Variants in PTPRG observed in about 807,000 individuals in gnomAD.
PTPRG encodes the protein protein tyrosine phosphatase receptor type G.
PTPRG carries 102 observed loss-of-function variants against 165.3 expected under a neutral mutation model. That is an observed-to-expected ratio of 0.62 (90% CI 0.53 to 0.73). The LOEUF is 0.73. Among genes scored for constraint, PTPRG ranks in the 30% least tolerant of loss-of-function variants. The probability of loss-of-function intolerance (pLI) is 0.00; values close to 1 mark genes in which losing one functional copy is unlikely to be tolerated. For synonymous variants in PTPRG, 675 were observed against 669.5 expected (o/e 1.01, Z -0.13); for missense variants, 1,866 against 1,861.4 (o/e 1.00, Z -0.05).
chr3:61,930,443 C>G (rs186801807), intron 2 of PTPRG, among the ~76,000 whole-genome samples: 1 of 152,286 alleles, frequency 6.6e-6, no homozygotes, highest in East Asian at 1.9e-4. Flanking sequence ...TGATGAGGGG[C>G]TCCCAGCACA....
chr3:62,139,282 T>C (rs1352730676), intron 6 of PTPRG, among the ~76,000 whole-genome samples: 2 of 152,024 alleles, frequency 1.3e-5, no homozygotes, highest in Non-Finnish European at 2.9e-5. Context: ...CTGGTCAACA[T>C]GTTGAAACCC....
intron 1 of PTPRG, among the ~76,000 whole-genome samples, chr3:61,662,431 A>G (rs1200093380): frequency 6.6e-6 from 1 of 152,174 alleles, no homozygotes; most frequent in East Asian, 1.9e-4. Context: ...TCCCAGATTA[A>G]ATATTCAGCT....
In PTPRG at chr3:61,728,894, A is replaced by G. The variant is rs977443097; in HGVS notation, c.86-19984A>G. The stretch of plus-strand genomic sequence containing the variant: ...TGTACCAAAAAAAAAAAAAAAAAAG[A>G]AAGAAAGAAAGAAAAAAATTAGCTG... On this transcript the variant is annotated intron_variant, in intron 1 of 29. Transcript: ENST00000474889. Among the ~76,000 whole-genome samples the G allele has an allele frequency of 1.8e-3, 274 of 149,154 alleles. 1 individual carries two copies. Among genetic ancestry groups the G allele is most frequent in the African/African-American group, 6.4e-3 (261 of 40,524 alleles).
At chr3:62,211,502 G>C (rs1226180778) in intron 12 of PTPRG, among the ~76,000 whole-genome samples, 1 of 152,116 alleles carries the variant, frequency 6.6e-6, no homozygotes. Context: ...TAAATTTTGT[G>C]TTATGTGTTT....
chr3:61,611,539 C>T (rs1024303929), intron 1 of PTPRG, among the ~76,000 whole-genome samples: 2 of 152,148 alleles, frequency 1.3e-5, no homozygotes, highest in Admixed American at 1.3e-4. Context: ...AGGAAAAGAG[C>T]GATTTTTCTT....
chr3:61,894,294 T>C, intron 2 of PTPRG, among the ~76,000 whole-genome samples: 1 of 80,000 alleles, frequency 1.3e-5, no homozygotes, highest in East Asian at 3.7e-4. Flanking sequence ...AGAGCAAGAC[T>C]CTGTGTCAAA....
chr3:61,836,099 A>C (rs1470660067), intron 2 of PTPRG, among the ~76,000 whole-genome samples: 4 of 129,770 alleles, frequency 3.1e-5, no homozygotes, highest in Non-Finnish European at 6.3e-5. Context: ...ACACACACAC[A>C]CCTGAACCCC....
chr3:61,880,378 G>A (rs1162789089), intron 2 of PTPRG, among the ~76,000 whole-genome samples: 1 of 152,198 alleles, frequency 6.6e-6, no homozygotes, highest in Middle Eastern at 3.4e-3. Context: ...CCAGAACTTC[G>A]GGAGACCAAG....
intron 4 of PTPRG, among the ~76,000 whole-genome samples, chr3:62,075,009 A>T (rs1701337493): frequency 6.6e-6 from 1 of 152,214 alleles, no homozygotes; most frequent in African/African-American, 2.4e-5. Context: ...ATATTACCGT[A>T]ATTTGTTAGG....
intron 1 of PTPRG, among the ~76,000 whole-genome samples, chr3:61,578,086 A>G (rs1700205651): frequency 6.6e-6 from 1 of 152,330 alleles, no homozygotes; most frequent in Non-Finnish European, 1.5e-5. Flanking sequence ...TTACCAGCTC[A>G]TGAGTAGACA....
At chr3:62,162,827 TAG>T (rs1453585422) in intron 7 of PTPRG, among the ~76,000 whole-genome samples, 1 of 152,182 alleles carries the variant, frequency 6.6e-6, no homozygotes, top group Non-Finnish European at 1.5e-5. Context: ...GCATACAAAA[TAG>T]AGTCACACAG....
At chr3:62,009,467 G>A (rs1360384015) in intron 4 of PTPRG, among the ~76,000 whole-genome samples, 1 of 152,168 alleles carries the variant, frequency 6.6e-6, no homozygotes, top group Non-Finnish European at 1.5e-5. Flanking sequence ...CATGTCTTCA[G>A]GTATGTTACC....
intron 1 of PTPRG, among the ~76,000 whole-genome samples, chr3:61,600,159 C>CAAA (rs376881197): frequency 1.4e-4 from 16 of 113,546 alleles, no homozygotes; most frequent in African/African-American, 3.3e-4. Flanking sequence ...GACATTGTCT[C>CAAA]AAAAAAAAAA....
rs139314453 is a variant in PTPRG at position 61,941,427 on chromosome 3, G to A, written c.191-48198G>A. ...ATCATGAGGTTAGGAGATCGAGACC[G>A]TCCTGGCCAACATGATGAAACCCCG... On this transcript the variant is annotated intron_variant, in intron 2 of 29. Transcript: ENST00000474889. 8.3e-3 allele frequency among the ~76,000 whole-genome samples: 1,258 copies of A among 152,128 alleles called. 22 individuals carry two copies. Among genetic ancestry groups the A allele is most frequent in the African/African-American group, 0.029 (1,196 of 41,532 alleles).
At chr3:62,170,273 C>T (rs1178451728) in intron 8 of PTPRG, among the ~76,000 whole-genome samples, 2 of 151,832 alleles carry the variant, frequency 1.3e-5, no homozygotes, top group African/African-American at 4.8e-5. Context: ...AGAAAATAAC[C>T]CAACTAGAAA....
At chr3:62,209,870 G>A (rs562491628) in intron 12 of PTPRG, among the ~76,000 whole-genome samples, 3 of 152,278 alleles carry the variant, frequency 2.0e-5, no homozygotes, top group African/African-American at 7.2e-5. Context: ...TTCCGGAGAG[G>A]TTGGAGTCAA....
chr3:62,018,690 C>G (rs1050878476), intron 4 of PTPRG, among the ~76,000 whole-genome samples: 1 of 152,188 alleles, frequency 6.6e-6, no homozygotes, highest in Non-Finnish European at 1.5e-5. Flanking sequence ...AGTAGCATTA[C>G]AAAGCTCAAG....
At chr3:62,256,316 C>A (rs1415339927) in intron 16 of PTPRG, among the ~76,000 whole-genome samples, 7 of 152,088 alleles carry the variant, frequency 4.6e-5, no homozygotes, top group Admixed American at 4.6e-4. Context: ...AATTTAGAAT[C>A]CCAAAAGGCT....
At chr3:61,562,796 C>T (rs1278360714) in intron 1 of PTPRG, among the ~76,000 whole-genome samples, 2 of 152,034 alleles carry the variant, frequency 1.3e-5, no homozygotes, top group African/African-American at 4.8e-5. Flanking sequence ...CTCGCTCTGG[C>T]GGGTATTGAA....
Sources: allele counts gnomAD v4.1 joint callset (sites outside exome capture counted in the v4.1 genomes callset), GRCh38; gene constraint gnomAD v4.1.1; transcripts MANE v1.5; gene names NCBI Gene and HGNC (gene_info 2026-07-23, HGNC 2026-07-21).